GPM6A: variants seen among roughly 807,000 people sequenced by gnomAD.
GPM6A encodes glycoprotein M6A, also known as neuronal membrane glycoprotein M6-a.
GPM6A carries 7 observed loss-of-function variants against 32.1 expected under a neutral mutation model. The observed-to-expected ratio is 0.22, with a 90% CI of 0.12 to 0.41. The LOEUF (loss-of-function observed/expected upper bound fraction) is 0.41, where lower values mean the gene tolerates loss of function less well. Among genes scored for constraint, GPM6A ranks in the 10% least tolerant of loss-of-function variants. GPM6A has a pLI of 1.00. For missense variants in GPM6A, 235 were observed against 347.2 expected, an observed-to-expected ratio of 0.68 and a Z score of 2.57; for synonymous variants, 130 against 123.4, an observed-to-expected ratio of 1.05 and a Z score of -0.35.
intron 1 of GPM6A, among the ~76,000 whole-genome samples, chr4:175,758,710 T>C (rs1194652151): frequency 6.6e-6 from 1 of 152,140 alleles, no homozygotes; most frequent in Admixed American, 6.6e-5. Context: ...AGTAGGAAAG[T>C]CCTAGTACAT....
intron 1 of GPM6A, among the ~76,000 whole-genome samples, chr4:175,888,894 A>T (rs1737545317): frequency 6.6e-6 from 1 of 152,150 alleles, no homozygotes; most frequent in Admixed American, 6.5e-5. Flanking sequence ...GCTTTGACCA[A>T]GAAACAGAAG....
intron 1 of GPM6A, among the ~76,000 whole-genome samples, chr4:175,790,877 A>G (rs1733986310): frequency 6.6e-6 from 1 of 152,248 alleles, no homozygotes; most frequent in Non-Finnish European, 1.5e-5. Context: ...ACTAGGTTGA[A>G]ACAAATATTT....
chr4:175,994,883 T>TGTAA (rs1561027257), intron 1 of GPM6A, among the ~76,000 whole-genome samples: 1 of 152,222 alleles, frequency 6.6e-6, no homozygotes, highest in Non-Finnish European at 1.5e-5. Flanking sequence ...ACTAAGTTTA[T>TGTAA]GTAATACTCT....
At chr4:175,778,870 T>C (rs1259950839) in intron 1 of GPM6A, among the ~76,000 whole-genome samples, 1 of 150,598 alleles carries the variant, frequency 6.6e-6, no homozygotes, top group Non-Finnish European at 1.5e-5. Context: ...AATATATGGA[T>C]ATATCAATAA....
At chr4:175,746,412 G>A (rs1177387787) in intron 1 of GPM6A, among the ~76,000 whole-genome samples, 3 of 152,126 alleles carry the variant, frequency 2.0e-5, no homozygotes, top group Non-Finnish European at 4.4e-5. Flanking sequence ...GTATATAAAT[G>A]TACAAAATTA....
At chr4:175,943,695 T>G (rs904836746) in intron 1 of GPM6A, among the ~76,000 whole-genome samples, 1 of 152,184 alleles carries the variant, frequency 6.6e-6, no homozygotes, top group Non-Finnish European at 1.5e-5. Flanking sequence ...TTGATTTGCA[T>G]ATGTTTAACC....
At chr4:175,870,989 T>C (rs1170589278) in intron 1 of GPM6A, among the ~76,000 whole-genome samples, 1 of 152,058 alleles carries the variant, frequency 6.6e-6, no homozygotes, top group African/African-American at 2.4e-5. Context: ...ATCTTAATCA[T>C]GTTAATATCA....
Position 175,841,811 on chromosome 4 carries a change from T to C in GPM6A, c.-22-29562A>G, listed in dbSNP as rs570453405. ...AAAATTATCATGAAGAGATTTAACA[T>C]CTTTTCTACTGATTCTGAAAAACGG... On this transcript the variant is annotated intron_variant, in intron 1 of 7. Coordinates refer to the GPM6A transcript ENST00000280187. 3.9e-5 allele frequency among the ~76,000 whole-genome samples: 6 copies of C among 152,172 alleles called. No homozygotes were observed. The South Asian group carries it at 8.3e-4, about 21-fold the overall frequency.
At chr4:175,720,723 T>C (rs1308821344) in intron 1 of GPM6A, among the ~76,000 whole-genome samples, 1 of 152,122 alleles carries the variant, frequency 6.6e-6, no homozygotes, top group East Asian at 1.9e-4. Context: ...ATAAGTCAAG[T>C]TCACCCACTA....
chr4:175,960,413 C>T (rs2126400201), intron 1 of GPM6A, among the ~76,000 whole-genome samples: 1 of 152,246 alleles, frequency 6.6e-6, no homozygotes, highest in Non-Finnish European at 1.5e-5. Flanking sequence ...TGGGCTAAAT[C>T]TGTCCCATTT....
intron 1 of GPM6A, among the ~76,000 whole-genome samples, chr4:175,751,089 G>A (rs935308023): frequency 6.6e-6 from 1 of 152,136 alleles, no homozygotes; most frequent in South Asian, 2.1e-4. Context: ...GAAAAAAGAT[G>A]TGCATAATCT....
intron 1 of GPM6A, among the ~76,000 whole-genome samples, chr4:175,723,114 T>A (rs1281926378): frequency 2.6e-5 from 4 of 152,192 alleles, no homozygotes; most frequent in Non-Finnish European, 4.4e-5. Context: ...AAATATGGCC[T>A]ACACTTACTA....
chr4:175,770,663 G>A (rs1019157459), intron 1 of GPM6A, among the ~76,000 whole-genome samples: 1 of 152,124 alleles, frequency 6.6e-6, no homozygotes, highest in Admixed American at 6.5e-5. Flanking sequence ...TGTGGGTCCA[G>A]TCTCTGAAGA....
At chr4:175,940,064 T>C (rs1007588577) in intron 1 of GPM6A, among the ~76,000 whole-genome samples, 3 of 152,142 alleles carry the variant, frequency 2.0e-5, no homozygotes, top group African/African-American at 7.2e-5. Context: ...ATAATACAAA[T>C]ATATTTTGTA....
chr4:175,869,511 C>T (rs922379793), intron 1 of GPM6A, among the ~76,000 whole-genome samples: 19 of 152,008 alleles, frequency 1.2e-4, no homozygotes, highest in African/African-American at 3.4e-4. Context: ...GTAATCCCAG[C>T]ACTTTGGGAG....
intron 1 of GPM6A, among the ~76,000 whole-genome samples, chr4:175,710,662 C>A (rs1745476986): frequency 6.6e-6 from 1 of 152,176 alleles, no homozygotes; most frequent in Non-Finnish European, 1.5e-5. Context: ...TCATCACCAA[C>A]TCACAGGAGA....
chr4:175,717,571 A>G (rs148851694), intron 1 of GPM6A, among the ~76,000 whole-genome samples: 98 of 152,334 alleles, frequency 6.4e-4, no homozygotes, highest in Non-Finnish European at 1.3e-3. Context: ...TTCCACATAT[A>G]GACATAGACA....
At chr4:175,916,239 A>G (rs2111517633) in intron 1 of GPM6A, among the ~76,000 whole-genome samples, 1 of 152,300 alleles carries the variant, frequency 6.6e-6, no homozygotes, top group East Asian at 1.9e-4. Flanking sequence ...TGCAATATAC[A>G]GCGGAGAGCT....
At chr4:175,769,978 T>C (rs1733121629) in intron 1 of GPM6A, among the ~76,000 whole-genome samples, 1 of 152,202 alleles carries the variant, frequency 6.6e-6, no homozygotes, top group African/African-American at 2.4e-5. Context: ...TTTGCACGTT[T>C]GACCTATTAT....
Sources: gnomAD v4.1 joint callset for allele counts (sites outside exome capture counted in the v4.1 genomes callset) on GRCh38, gnomAD v4.1.1 for gene constraint, MANE v1.5 for transcripts, NCBI Gene and HGNC (gene_info 2026-07-23, HGNC 2026-07-21) for gene names.